The following COL5A2 variants were observed in gnomAD, a reference collection of about 807,000 sequenced individuals.
The protein encoded by COL5A2 is collagen type V alpha 2 chain.
COL5A2 carries 23 observed loss-of-function variants against 208.2 expected under a neutral mutation model. The observed-to-expected ratio is 0.11, with a 90% confidence interval of 0.08 to 0.16. COL5A2 has a LOEUF of 0.16. COL5A2 is among the 10% of genes least tolerant of loss of function. The pLI is 1.00. For synonymous variants in COL5A2, 625 were observed against 628.5 expected, an observed-to-expected ratio of 0.99 and a Z score of 0.08; for missense variants, 1,590 against 1,956.4, an observed-to-expected ratio of 0.81 and a Z score of 3.53.
At chr2:189,219,908 G>A (rs1446791781) in intron 1 of COL5A2, among the ~76,000 whole-genome samples, 1 of 151,992 alleles carries the variant, frequency 6.6e-6, no homozygotes, top group African/African-American at 2.4e-5. Flanking sequence ...TCTTCGCTGA[G>A]TTTAATACCA....
chr2:189,372,272 T>C, the COL5A2 span, among the ~76,000 whole-genome samples: 1 of 152,246 alleles, frequency 6.6e-6, no homozygotes, highest in Non-Finnish European at 1.5e-5. Context: ...TATATATTTA[T>C]AGAGACTTAC....
In COL5A2 at chr2:189,085,150, G is replaced by C; in HGVS notation, c.798+10C>G. On this transcript the variant is annotated intron_variant, in intron 11 of 53. Coordinates refer to ENST00000374866, the MANE Select transcript of COL5A2 (RefSeq NM_000393.5). ...AAAACCTGAATGGAAAATGAGGAAA[G>C]GTAGCTTACATCTTCCCCAGGTTTA... 6.2e-7 allele frequency: 1 copy of C among 1,610,106 alleles called. No homozygotes were observed. The highest frequency in any genetic ancestry group is 1.1e-5 in the South Asian group (1 of 90,506).
rs369130489 is a variant in COL5A2, at chr2:189,096,328, C to T, written c.456+949G>A. On this transcript the variant is annotated intron_variant, in intron 6 of 53. Coordinates refer to ENST00000374866, the MANE Select transcript of COL5A2 (RefSeq NM_000393.5). Reference sequence around the variant, plus strand: ...AACATGGGATAATGGGAGCAATATACAAATGAATACAGTTATTTAGTATAT... The same window carrying T: ...AACATGGGATAATGGGAGCAATATATAAATGAATACAGTTATTTAGTATAT... Among the ~76,000 whole-genome samples the T allele has an allele frequency of 1.3e-4, 20 of 152,018 alleles. No homozygotes were observed. In the South Asian group the frequency reaches 3.7e-3, roughly 28 times the overall value.
chr2:189,064,005 C>G lies in COL5A2; in HGVS notation c.1745G>C (p.Gly582Ala). The change falls in exon 26 of 54, where the codon GGT (glycine) becomes GCT (alanine). Residue 582 changes from glycine to alanine, a missense_variant. Physicochemically the swap from Gly to Ala is moderately conservative, Grantham distance 60. Transcript: ENST00000374866. Reference protein sequence around the residue: ...RGLTGNPGVQGPEGKLGPLGA... With the variant: ...RGLTGNPGVQAPEGKLGPLGA... Reference sequence around the variant, plus strand: ...CAAAGGTCCAAGTTTTCCTTCAGGACCTTGAACACCAGGATTTCCTGTCAA... The same window carrying G: ...CAAAGGTCCAAGTTTTCCTTCAGGAGCTTGAACACCAGGATTTCCTGTCAA... 6.2e-7 allele frequency: 1 copy of G among 1,613,332 alleles called. No homozygotes were observed. The highest frequency in any genetic ancestry group is 8.5e-7 in the Non-Finnish European group (1 of 1,179,654).
At chr2:189,296,651 C>T in the COL5A2 span, among the ~76,000 whole-genome samples, 1 of 152,072 alleles carries the variant, frequency 6.6e-6, no homozygotes, top group Non-Finnish European at 1.5e-5. Context: ...TCCCTTATTC[C>T]TGGGATATAG....
At chr2:189,378,648 C>CT in the COL5A2 span, among the ~76,000 whole-genome samples, 3 of 151,084 alleles carry the variant, frequency 2.0e-5, no homozygotes, top group African/African-American at 7.3e-5. Context: ...GGCGTGAACC[C>CT]AGGAGGCGGA....
At chr2:189,379,826 A>G in the COL5A2 span, among the ~76,000 whole-genome samples, 3,947 of 152,246 alleles carry the variant, frequency 0.026, 180 homozygotes, top group African/African-American at 0.091. Flanking sequence ...GACTCCTTTC[A>G]TAACTCTGCT....
At chr2:189,240,904 A>C in the COL5A2 span, among the ~76,000 whole-genome samples, 66 of 152,346 alleles carry the variant, frequency 4.3e-4, no homozygotes, top group African/African-American at 1.5e-3. Flanking sequence ...TGTGTTCATA[A>C]AATAGACTGC....
chr2:189,387,993 C>G, the COL5A2 span, among the ~76,000 whole-genome samples: 1 of 152,134 alleles, frequency 6.6e-6, no homozygotes, highest in African/African-American at 2.4e-5. Flanking sequence ...CTATGTTGCC[C>G]AGGCTAGTCT....
chr2:189,157,487 A>G (rs1026131293), intron 1 of COL5A2, among the ~76,000 whole-genome samples: 2 of 151,936 alleles, frequency 1.3e-5, no homozygotes, highest in African/African-American at 4.8e-5. Flanking sequence ...CTTCAACAAT[A>G]ATTACAAACA....
the COL5A2 span, among the ~76,000 whole-genome samples, chr2:189,297,431 T>C: frequency 2.0e-5 from 3 of 152,196 alleles, no homozygotes; most frequent in Non-Finnish European, 4.4e-5. Flanking sequence ...ATGCATGACA[T>C]GCTAGTACCA....
the COL5A2 span, among the ~76,000 whole-genome samples, chr2:189,384,849 C>A: frequency 6.6e-6 from 1 of 151,978 alleles, no homozygotes; most frequent in African/African-American, 2.4e-5. Flanking sequence ...TTTTAAGGAA[C>A]TTTCAAAATC....
the COL5A2 span, among the ~76,000 whole-genome samples, chr2:189,303,951 C>G: frequency 2.0e-5 from 3 of 152,102 alleles, no homozygotes; most frequent in African/African-American, 7.2e-5. Context: ...ATTTGGCTGA[C>G]GTTTTTCTTT....
At chr2:189,184,411 T>C (rs987318241), upstream of COL5A2, among the ~76,000 whole-genome samples, 1 of 152,212 alleles carries the variant, frequency 6.6e-6, no homozygotes, top group Admixed American at 6.5e-5. Flanking sequence ...AAAACGCTAA[T>C]ATCTTATATT....
At chr2:189,339,995 T>G in the COL5A2 span, among the ~76,000 whole-genome samples, 1 of 152,230 alleles carries the variant, frequency 6.6e-6, no homozygotes, top group Non-Finnish European at 1.5e-5. Flanking sequence ...TTTCTATTTA[T>G]GAATTCCCCA....
chr2:189,309,130 G>A, the COL5A2 span, among the ~76,000 whole-genome samples: 3,797 of 152,182 alleles, frequency 0.025, 90 homozygotes, highest in East Asian at 0.096. Flanking sequence ...GTCTCTCCCC[G>A]ACAACCTCAT....
At chr2:189,088,622 T>G in intron 8 of COL5A2, 73 bp downstream of exon 8, 2 of 1,095,058 alleles carry the variant, frequency 1.8e-6, no homozygotes, top group Non-Finnish European at 2.8e-6. Flanking sequence ...TTTGACTAGT[T>G]AACTCAAGAT....
intron 1 of COL5A2, among the ~76,000 whole-genome samples, chr2:189,158,830 G>T (rs1476483745): frequency 6.6e-6 from 1 of 151,984 alleles, no homozygotes; most frequent in Non-Finnish European, 1.5e-5. Context: ...AAACTTTAAT[G>T]TCTTTTTGTT....
At position 189,064,589 on chromosome 2, in the gene COL5A2, G is replaced by A; in HGVS notation, c.1684C>T (p.Arg562Cys). 1.9e-6 allele frequency: 3 copies of A among 1,613,832 alleles called. No individual in the cohort carries two copies. Among genetic ancestry groups the A allele is most frequent in the Admixed American group, 1.7e-5 (1 of 59,972 alleles). The change falls in exon 25 of 54, where the codon CGT (arginine) becomes TGT (cysteine). Residue 562 changes from arginine (R) to cysteine (C), a missense_variant. Physicochemically the swap from Arg to Cys is radical, Grantham distance 180. Transcript: ENST00000374866. ...CCTGGAAGCCCAGGTTCCCCTGGAC[G>A]TCCTGGATCCCCCTGGCTTCCTTTG... The part of the protein sequence containing the change: ...GPKGSQGDPG[R>C]PGEPGLPGAR...
Sources: gnomAD v4.1 joint callset for allele counts (sites outside exome capture counted in the v4.1 genomes callset) on GRCh38, gnomAD v4.1.1 for gene constraint, MANE v1.5 for transcripts, NCBI Gene and HGNC (gene_info 2026-07-23, HGNC 2026-07-21) for gene names.